BEST3: variants seen among roughly 807,000 people sequenced by gnomAD.
BEST3 encodes bestrophin-3.
A neutral mutation model predicts 47.1 loss-of-function variants in BEST3; 50 were observed. The observed-to-expected ratio is 1.06, with a 90% CI of 0.85 to 1.34. The LOEUF is 1.34. BEST3 is among the 40% of genes most tolerant of loss of function. The pLI, the probability that BEST3 is intolerant of heterozygous loss-of-function variation, is 0.00. For synonymous variants in BEST3, 282 were observed against 298.8 expected, an observed-to-expected ratio of 0.94 and a Z score of 0.58; for missense variants, 765 against 817.0, an observed-to-expected ratio of 0.94 and a Z score of 0.78.
intron 2 of BEST3, among the ~76,000 whole-genome samples, chr12:69,695,177 A>T (rs1886086130): frequency 1.3e-5 from 2 of 152,200 alleles, no homozygotes; most frequent in Admixed American, 1.3e-4. Context: ...AGAGATTCAG[A>T]GTCTGGAGAA....
chr12:69,672,076 C>T (rs1290796129), intron 8 of BEST3, among the ~76,000 whole-genome samples: 1 of 152,220 alleles, frequency 6.6e-6, no homozygotes, highest in East Asian at 1.9e-4. Flanking sequence ...GTCTATACTG[C>T]TCAGTGCTAT....
chr12:69,664,426 C>A (rs915524665), intron 9 of BEST3, among the ~76,000 whole-genome samples: 12 of 152,096 alleles, frequency 7.9e-5, no homozygotes, highest in Non-Finnish European at 1.5e-4. Flanking sequence ...GGCACTGGGA[C>A]CTCCCCCCGC....
At chr12:69,673,402 C>A (rs1305069430) in intron 7 of BEST3, among the ~76,000 whole-genome samples, 1 of 152,154 alleles carries the variant, frequency 6.6e-6, no homozygotes, top group Non-Finnish European at 1.5e-5. Context: ...TTAAATCACA[C>A]TTAAAGAAAA....
intron 8 of BEST3, 52 bp from the exon 9 acceptor site, chr12:69,671,631 AG>A (rs1884580406): frequency 6.3e-7 from 1 of 1,584,418 alleles, no homozygotes; most frequent in African/African-American, 1.3e-5. Flanking sequence ...TTAAATAAAA[AG>A]GAGAAGTTTT....
intron 1 of BEST3, among the ~76,000 whole-genome samples, chr12:69,698,985 A>C (rs1398221930): frequency 6.6e-6 from 1 of 152,238 alleles, no homozygotes; most frequent in Non-Finnish European, 1.5e-5. Flanking sequence ...CTATTTGCCT[A>C]GTGCGAATAC....
intron 9 of BEST3, among the ~76,000 whole-genome samples, chr12:69,666,862 C>T (rs1884255862): frequency 6.6e-6 from 1 of 152,176 alleles, no homozygotes; most frequent in Non-Finnish European, 1.5e-5. Context: ...CCGTTCTTCA[C>T]TCCTTCTCCT....
In BEST3 at chr12:69,678,744, T is replaced by A. The variant is rs1276438923; in HGVS notation, c.631A>T (p.Met211Leu). 2.5e-6 allele frequency: 4 copies of A among 1,613,920 alleles called. No homozygotes were observed. In the South Asian group the frequency reaches 4.4e-5, roughly 18 times the overall value. ...IRDSVDLQSL[M>L]TEMNRYRSWC... Reference sequence around the variant, plus strand: ...ATGATTTATGATATACTTACAGTCATCAATGATTGCAGATCAACACTGTCT... The same window carrying A: ...ATGATTTATGATATACTTACAGTCAACAATGATTGCAGATCAACACTGTCT... Residue 211 changes from methionine (M) to leucine (L), a missense_variant, in exon 5 of 10, where the codon ATG becomes TTG. By Grantham distance (15) the Met-to-Leu change is conservative. Transcript: ENST00000330891.
chr12:69,646,480 T>A (rs1195766092), intron 9 of BEST3, among the ~76,000 whole-genome samples: 1 of 152,102 alleles, frequency 6.6e-6, no homozygotes, highest in Non-Finnish European at 1.5e-5. Flanking sequence ...GACACTTTTC[T>A]AATCCCTGGA....
At chr12:69,662,732 T>C (rs1883944743) in intron 9 of BEST3, among the ~76,000 whole-genome samples, 3 of 152,216 alleles carry the variant, frequency 2.0e-5, no homozygotes, top group Admixed American at 6.5e-5. Flanking sequence ...GGATCCTTAA[T>C]TGGCTTCATA....
chr12:69,652,406 G>T (rs540952110), downstream of BEST3, among the ~76,000 whole-genome samples: 3 of 152,246 alleles, frequency 2.0e-5, no homozygotes, highest in East Asian at 1.9e-4. Context: ...TTCAACCGTG[G>T]TCTGTGTTGA....
chr12:69,655,330 G>A lies in BEST3; in HGVS notation c.1584C>T (p.Ser528=), dbSNP rs1453881276. The A allele has an allele frequency of 7.4e-6, 12 of 1,614,178 alleles. No homozygotes were observed. The highest frequency in any genetic ancestry group is 9.3e-6 in the Non-Finnish European group (11 of 1,180,034). The change falls in exon 10 of 10, where the codon AGC becomes AGT. Residue 528 remains serine, a synonymous_variant. Transcript: ENST00000330891. ...TTGGCTGAACCCCTGTAAACTCAGA[G>A]CTCAAGATGGAGGTAGCGGAATCAT... ...YHHDSATSIL[S]SEFTGVQPSK... is the part of the protein sequence containing the mutation.
Position 69,693,748 on chromosome 12 carries a change from G to A in BEST3, c.407C>T (p.Ser136Phe), listed in dbSNP as rs1480403476. 1.2e-6 allele frequency: 2 copies of A among 1,614,106 alleles called. No individual in the cohort carries two copies. Among genetic ancestry groups the A allele is most frequent in the South Asian group, 1.1e-5 (1 of 91,088 alleles). The change falls in exon 4 of 10, where the codon TCC becomes TTC. Residue 136 changes from serine to phenylalanine, a missense_variant. Transcript: ENST00000330891. ...GCTCACCGAGCGAAAGATGAGCAGG[G>A]AGGTGAGATTGACGTAGCGCATCAG... is the stretch of plus-strand genomic sequence containing the variant. ...RTLMRYVNLT[S>F]LLIFRSVSTA...
Position 69,693,654 on chromosome 12 carries a change from G to A in BEST3, c.481+20C>T. ...TCTCAGCTGAGAAGAGCCCATGGAAGGAAAAGCCATTCATAGTACCTGCTT... is the reference window on the plus strand; with the variant it reads ...TCTCAGCTGAGAAGAGCCCATGGAAAGAAAAGCCATTCATAGTACCTGCTT... On this transcript the variant is annotated intron_variant, in intron 4 of 9. Coordinates refer to ENST00000330891, the MANE Select transcript of BEST3 (RefSeq NM_032735.3). The A allele has an allele frequency of 6.4e-7, 1 of 1,560,322 alleles. No homozygotes were observed.
At chr12:69,676,865 G>A in intron 7 of BEST3, 51 bp downstream of exon 7, 2 of 1,562,030 alleles carry the variant, frequency 1.3e-6, no homozygotes, top group South Asian at 1.1e-5. Context: ...TTAGTGTGGA[G>A]AGTCTGGAAC....
intron 9 of BEST3, among the ~76,000 whole-genome samples, chr12:69,645,693 T>G (rs928054103): frequency 6.6e-6 from 1 of 152,254 alleles, no homozygotes; most frequent in Non-Finnish European, 1.5e-5. Flanking sequence ...TTACCTTTTC[T>G]ATATTCCTCC....
intron 9 of BEST3, among the ~76,000 whole-genome samples, chr12:69,647,366 T>C (rs1458420348): frequency 2.0e-5 from 3 of 152,188 alleles, no homozygotes; most frequent in Non-Finnish European, 4.4e-5. Flanking sequence ...ATGAGTGCTA[T>C]GCCCCAAGCT....
chr12:69,698,737 G>A (rs1012806259), intron 1 of BEST3, among the ~76,000 whole-genome samples: 25 of 152,116 alleles, frequency 1.6e-4, no homozygotes, highest in African/African-American at 5.6e-4. Flanking sequence ...TCATAAACAA[G>A]AAAATTTTCT....
intron 4 of BEST3, among the ~76,000 whole-genome samples, chr12:69,685,252 A>C (rs1036242887): frequency 6.6e-6 from 1 of 152,164 alleles, no homozygotes; most frequent in African/African-American, 2.4e-5. Context: ...CTTGTCCATA[A>C]ATTAGTATCC....
At position 69,679,914 on chromosome 12, in the gene BEST3, CGTGTGT is replaced by C. The variant is rs35274840; in HGVS notation, c.482-1027_482-1022del. ...GTGTGTGTGCATGTGTGTATGCATG[CGTGTGT>C]GTGTGTGTGTGTGTGTGTAAAATGC... is the stretch of plus-strand genomic sequence containing the variant. On this transcript the variant is annotated intron_variant, in intron 4 of 9. Coordinates refer to ENST00000330891, the MANE Select transcript of BEST3 (RefSeq NM_032735.3). Among the ~76,000 whole-genome samples, 36 of 150,250 alleles carry C rather than the reference CGTGTGT, an allele frequency of 2.4e-4. 1 individual carries two copies. Among genetic ancestry groups the C allele is most frequent in the Admixed American group, 4.6e-4 (7 of 15,074 alleles).
Sources: allele counts gnomAD v4.1 joint callset (sites outside exome capture counted in the v4.1 genomes callset), GRCh38; gene constraint gnomAD v4.1.1; transcripts MANE v1.5; gene names NCBI Gene and HGNC (gene_info 2026-07-23, HGNC 2026-07-21).